Variants in SNX24 observed in about 807,000 individuals in gnomAD.
SNX24 encodes the protein sorting nexin 24.
In SNX24, 22 loss-of-function variants were observed where a neutral mutation model predicts 28.7. The observed-to-expected ratio is 0.77, with a 90% CI of 0.55 to 1.10. The LOEUF (loss-of-function observed/expected upper bound fraction) is 1.10. Among genes scored for constraint, SNX24 ranks in the 50% least tolerant of loss-of-function variants. The pLI, the probability that SNX24 is intolerant of heterozygous loss-of-function variation, is 0.00. For synonymous variants in SNX24, 69 were observed against 71.5 expected (o/e 0.96, Z 0.18); for missense variants, 221 against 201.1 (o/e 1.10, Z -0.60).
chr5:122,956,441 A>G (rs919453399), intron 3 of SNX24, among the ~76,000 whole-genome samples: 2 of 151,680 alleles, frequency 1.3e-5, no homozygotes, highest in Non-Finnish European at 2.9e-5. Flanking sequence ...GCTGTACATC[A>G]GTGGGCACCT....
chr5:122,942,835 A>G (rs1759519158), intron 2 of SNX24, among the ~76,000 whole-genome samples: 1 of 152,154 alleles, frequency 6.6e-6, no homozygotes. Context: ...AAAGCAATTC[A>G]TTACTCACCT....
chr5:123,027,664 C>CT (rs1377663494), intron 5 of SNX24, among the ~76,000 whole-genome samples: 1 of 152,150 alleles, frequency 6.6e-6, no homozygotes, highest in Non-Finnish European at 1.5e-5. Context: ...AATCAAAGCA[C>CT]TTAATAGTAG....
At chr5:122,961,044 T>A (rs969348621) in intron 3 of SNX24, among the ~76,000 whole-genome samples, 1 of 152,216 alleles carries the variant, frequency 6.6e-6, no homozygotes, top group Non-Finnish European at 1.5e-5. Context: ...CACCTTCCAT[T>A]TTTGTGGTCT....
In SNX24 at chr5:122,946,134, G is replaced by A. The variant is rs1759673460; in HGVS notation, c.224G>A (p.Arg75Gln). The A allele has an allele frequency of 8.1e-6, 13 of 1,606,172 alleles. No individual in the cohort carries two copies. The highest frequency in any genetic ancestry group is 4.5e-5 in the East Asian group (2 of 44,728). The change falls in exon 3 of 7, where the codon CGA (arginine) becomes CAA (glutamine). Residue 75 changes from arginine (R) to glutamine (Q), a missense_variant. Physicochemically the swap from Arg to Gln is conservative, Grantham distance 43 (BLOSUM62 1). Transcript: ENST00000261369. ...NWVPKVLEQR[R>Q]QGLETYLQAV... ...GTCCCCAAAGTCTTGGAACAGCGAC[G>A]ACAAGGCTTGGAAACATACTTACAG...
intron 3 of SNX24, chr5:122,998,058 A>G (rs1195615070): frequency 6.6e-6 from 1 of 152,232 alleles, no homozygotes; most frequent in Non-Finnish European, 1.5e-5. Context: ...GCACCTAAAA[A>G]ATGTCCTTGA....
chr5:122,885,334 T>C (rs1293096549), intron 1 of SNX24, among the ~76,000 whole-genome samples: 1 of 151,908 alleles, frequency 6.6e-6, no homozygotes, highest in Non-Finnish European at 1.5e-5. Context: ...TGAGGTAGGG[T>C]GAGGTGGGGG....
intron 1 of SNX24, among the ~76,000 whole-genome samples, chr5:122,848,971 G>A (rs1318493814): frequency 6.6e-6 from 1 of 152,086 alleles, no homozygotes; most frequent in Non-Finnish European, 1.5e-5. Context: ...TATTGATATG[G>A]AGAGGTCTGC....
intron 1 of SNX24, among the ~76,000 whole-genome samples, chr5:122,916,009 G>A (rs1165970243): frequency 2.6e-5 from 4 of 152,212 alleles, no homozygotes; most frequent in African/African-American, 9.6e-5. Context: ...CTCATAGCAT[G>A]GCGAAGATGA....
intron 1 of SNX24, among the ~76,000 whole-genome samples, chr5:122,915,416 A>G (rs1328585578): frequency 6.6e-6 from 1 of 152,162 alleles, no homozygotes; most frequent in Admixed American, 6.5e-5. Flanking sequence ...GCTTGAGCCC[A>G]GGAGTTTGAG....
intron 3 of SNX24, among the ~76,000 whole-genome samples, chr5:122,986,405 T>C (rs559171007): frequency 1.2e-4 from 18 of 152,236 alleles, no homozygotes; most frequent in African/African-American, 3.6e-4. Context: ...AGTCCCAACA[T>C]TTTGAGTTCA....
intron 3 of SNX24, among the ~76,000 whole-genome samples, chr5:122,983,864 A>T (rs1170404047): frequency 3.9e-5 from 6 of 152,322 alleles, no homozygotes; most frequent in Admixed American, 6.5e-5. Context: ...GCTTCTATTT[A>T]TATTTAGAGT....
chr5:122,959,177 C>A (rs1760356102), intron 3 of SNX24, among the ~76,000 whole-genome samples: 1 of 151,820 alleles, frequency 6.6e-6, no homozygotes, highest in Non-Finnish European at 1.5e-5. Flanking sequence ...TAGTTAGAGA[C>A]CTGTTCAGAT....
chr5:122,956,554 C>T (rs1290576117), intron 3 of SNX24, among the ~76,000 whole-genome samples: 1 of 152,096 alleles, frequency 6.6e-6, no homozygotes, highest in Non-Finnish European at 1.5e-5. Flanking sequence ...GGTGTATGCC[C>T]AGAAGTGGAT....
intron 1 of SNX24, among the ~76,000 whole-genome samples, chr5:122,885,598 G>A (rs181667715): frequency 2.0e-5 from 3 of 151,528 alleles, no homozygotes; most frequent in East Asian, 3.9e-4. Context: ...GGGTGGAAAG[G>A]CCTACAGCCT....
At chr5:122,962,903 T>G (rs1760545103) in intron 3 of SNX24, among the ~76,000 whole-genome samples, 1 of 152,192 alleles carries the variant, frequency 6.6e-6, no homozygotes, top group Non-Finnish European at 1.5e-5. Context: ...TGACCTCACC[T>G]AGAGCCCCCT....
intron 1 of SNX24, among the ~76,000 whole-genome samples, chr5:122,865,477 CA>C (rs1483292098): frequency 6.6e-6 from 1 of 152,056 alleles, no homozygotes; most frequent in East Asian, 1.9e-4. Flanking sequence ...ATTACAGGTG[CA>C]CACCACCATG....
chr5:123,010,176 C>T (rs1407177303), downstream of SNX24, among the ~76,000 whole-genome samples: 5 of 152,182 alleles, frequency 3.3e-5, no homozygotes, highest in Admixed American at 6.5e-5. Context: ...CTCCATAGCT[C>T]CCTTCAACGC....
At chr5:122,925,235 T>C (rs1758639445) in intron 1 of SNX24, among the ~76,000 whole-genome samples, 1 of 67,618 alleles carries the variant, frequency 1.5e-5, no homozygotes, top group Non-Finnish European at 2.7e-5. Flanking sequence ...TCCCTCCCTC[T>C]TCTTTTTCTC....
chr5:122,917,123 CG>C (rs1007185482), intron 1 of SNX24, among the ~76,000 whole-genome samples: 19 of 151,966 alleles, frequency 1.3e-4, no homozygotes, highest in African/African-American at 4.3e-4. Context: ...AAAAATTAGC[CG>C]GGTGTGTTGG....
Sources: allele counts gnomAD v4.1 joint callset (sites outside exome capture counted in the v4.1 genomes callset), GRCh38; gene constraint gnomAD v4.1.1; transcripts MANE v1.5; gene names NCBI Gene and HGNC (gene_info 2026-07-23, HGNC 2026-07-21).